The following MYO6 variants were observed in gnomAD, a reference collection of about 807,000 sequenced individuals.
The protein encoded by MYO6 is myosin VI.
A neutral mutation model predicts 178.7 loss-of-function variants in MYO6; 74 were observed. The observed-to-expected ratio is 0.41, with a 90% CI of 0.34 to 0.50. MYO6 has a LOEUF of 0.50. Ranked by LOEUF, MYO6 falls within the 20% of genes least tolerant of loss-of-function variation. The pLI, the probability that MYO6 is intolerant of heterozygous loss-of-function variation, is 0.09. For missense variants in MYO6, 1,330 were observed against 1,547.4 expected, an observed-to-expected ratio of 0.86 and a Z score of 2.36; for synonymous variants, 477 against 504.6, an observed-to-expected ratio of 0.95 and a Z score of 0.73.
At position 75,841,615 on chromosome 6, in the gene MYO6, G is replaced by A. The variant is rs532756793; in HGVS notation, c.816+237G>A. ...AGGCTGAGGTGGGAGGATCACCTGA[G>A]CCCAGGAGGTTGAGGCTGCAGTGAG... On this transcript the variant is annotated intron_variant, in intron 9 of 34. Transcript: ENST00000369977. Among the ~76,000 whole-genome samples, 5 of 152,194 alleles carry A rather than the reference G, an allele frequency of 3.3e-5. 1 individual carries two copies. In the East Asian group the frequency reaches 9.6e-4, roughly 29 times the overall value.
At chr6:75,831,236 G>T (rs572083476) in intron 5 of MYO6, among the ~76,000 whole-genome samples, 2 of 152,266 alleles carry the variant, frequency 1.3e-5, no homozygotes, top group African/African-American at 4.8e-5. Flanking sequence ...ACATAAAGCA[G>T]CTAAATGACA....
intron 1 of MYO6, among the ~76,000 whole-genome samples, chr6:75,804,565 ACT>A (rs34229770): frequency 0.037 from 5,619 of 151,834 alleles, 223 homozygotes; most frequent in East Asian, 0.15. Flanking sequence ...AATTCTGTTT[ACT>A]CTTCTATTCT....
chr6:75,863,880 T>TA (rs1399118142), intron 16 of MYO6, among the ~76,000 whole-genome samples: 2 of 152,192 alleles, frequency 1.3e-5, no homozygotes. Flanking sequence ...GCTATTGAGA[T>TA]GTTTCCTGTG....
At chr6:75,899,626 AG>A (rs1486995136) in intron 30 of MYO6, among the ~76,000 whole-genome samples, 1 of 152,184 alleles carries the variant, frequency 6.6e-6, no homozygotes, top group Non-Finnish European at 1.5e-5. Flanking sequence ...GCTTATGAAA[AG>A]TATAGATTCT....
intron 1 of MYO6, among the ~76,000 whole-genome samples, chr6:75,755,460 T>G (rs1289390273): frequency 6.6e-6 from 1 of 152,184 alleles, no homozygotes; most frequent in Admixed American, 6.6e-5. Context: ...TATTTTTTAA[T>G]GGAAGATAGA....
chr6:75,846,874 T>G (rs1169244105), intron 10 of MYO6, among the ~76,000 whole-genome samples: 1 of 152,144 alleles, frequency 6.6e-6, no homozygotes, highest in East Asian at 1.9e-4. Flanking sequence ...AGTATACTCT[T>G]TCAGAAATCT....
At chr6:75,805,300 C>T (rs900551311) in intron 1 of MYO6, among the ~76,000 whole-genome samples, 11 of 151,958 alleles carry the variant, frequency 7.2e-5, no homozygotes, top group South Asian at 6.2e-4. Flanking sequence ...CCACAGTGCC[C>T]GGCCTTAACC....
chr6:75,889,926 AAAAC>A, intron 25 of MYO6, 127 bp from the exon 26 acceptor site: 7 of 758,680 alleles, frequency 9.2e-6, no homozygotes, highest in South Asian at 8.8e-5. Flanking sequence ...TAAATTGTAA[AAAAC>A]AATAAAAACA....
intron 4 of MYO6, among the ~76,000 whole-genome samples, chr6:75,829,399 T>C (rs1240730438): frequency 6.6e-6 from 1 of 152,128 alleles, no homozygotes; most frequent in Non-Finnish European, 1.5e-5. Flanking sequence ...CTGTTCATTA[T>C]TTTTGAACGA....
In MYO6 at chr6:75,918,003, G is replaced by A. The variant is rs1781212230; in HGVS notation, c.*2991G>A. On this transcript the variant is annotated 3_prime_UTR_variant, in exon 35 of 35. Coordinates refer to ENST00000369977, the MANE Select transcript of MYO6 (RefSeq NM_004999.4). ...GATAGACCTGCCTCCTTTTATGGAA[G>A]AGGTAACAGATCCAGAGAGGTCAAG... 1 of 152,466 alleles carries A rather than the reference G, an allele frequency of 6.6e-6. No homozygotes were observed. The highest frequency in any genetic ancestry group is 1.5e-5 in the Non-Finnish European group (1 of 68,028). The allele number at this position is 152,466 out of a possible 1,614,324, so 9.4% of individuals were successfully genotyped here. A position where few individuals can be genotyped will look rare whatever the true frequency, so the allele number is the denominator to read the frequency against.
intron 11 of MYO6, 27 bp from the exon 12 acceptor site, chr6:75,855,112 A>AT: frequency 6.5e-7 from 1 of 1,546,046 alleles, no homozygotes; most frequent in East Asian, 2.4e-5. Flanking sequence ...ATACTTATTA[A>AT]TTTCAATGAA....
intron 11 of MYO6, among the ~76,000 whole-genome samples, chr6:75,853,207 A>G (rs1165772752): frequency 6.6e-6 from 1 of 152,176 alleles, no homozygotes; most frequent in African/African-American, 2.4e-5. Context: ...CCAAGTTGTA[A>G]GAGTTTTGAA....
At chr6:75,779,788 CGTTTA>C (rs1272110910) in intron 1 of MYO6, among the ~76,000 whole-genome samples, 1 of 152,132 alleles carries the variant, frequency 6.6e-6, no homozygotes. Context: ...GCCTGCTATT[CGTTTA>C]GTTTACAGTG....
At chr6:75,867,906 TAATG>T (rs1351297638) in intron 18 of MYO6, among the ~76,000 whole-genome samples, 2 of 152,204 alleles carry the variant, frequency 1.3e-5, no homozygotes, top group African/African-American at 4.8e-5. Flanking sequence ...GTTATGAGTT[TAATG>T]AATGACAAAC....
At chr6:75,759,636 T>C (rs9447543) in intron 1 of MYO6, among the ~76,000 whole-genome samples, 8,308 of 152,030 alleles carry the variant, frequency 0.055, 495 homozygotes, top group African/African-American at 0.15. Flanking sequence ...ATTGAGGATG[T>C]GAAGGAGCAA....
intron 1 of MYO6, among the ~76,000 whole-genome samples, chr6:75,811,304 A>G (rs1460178455): frequency 6.6e-6 from 1 of 152,018 alleles, no homozygotes; most frequent in Non-Finnish European, 1.5e-5. Context: ...GTTGGTTTTC[A>G]TATTTTCGAA....
chr6:75,802,235 G>A (rs1028810349), intron 1 of MYO6, among the ~76,000 whole-genome samples: 22 of 152,020 alleles, frequency 1.4e-4, no homozygotes, highest in African/African-American at 4.8e-4. Flanking sequence ...TTGGGAGGCC[G>A]AGGTAGGCGG....
At chr6:75,800,895 A>G (rs1261453810) in intron 1 of MYO6, among the ~76,000 whole-genome samples, 2 of 152,016 alleles carry the variant, frequency 1.3e-5, no homozygotes, top group Non-Finnish European at 2.9e-5. Flanking sequence ...TAATTTTTGT[A>G]TTTTTAGTAG....
At chr6:75,891,571 G>T (rs1778908388) in intron 27 of MYO6, among the ~76,000 whole-genome samples, 2 of 152,070 alleles carry the variant, frequency 1.3e-5, no homozygotes, top group African/African-American at 2.4e-5. Flanking sequence ...GGCAGAGCTT[G>T]CAGTGAGCCA....
Sources: allele counts gnomAD v4.1 joint callset (sites outside exome capture counted in the v4.1 genomes callset), GRCh38; gene constraint gnomAD v4.1.1; transcripts MANE v1.5; gene names NCBI Gene and HGNC (gene_info 2026-07-23, HGNC 2026-07-21).